The following TTLL8 variants were observed in gnomAD, a reference collection of about 807,000 sequenced individuals.
The protein encoded by TTLL8 is protein monoglycylase TTLL8.
TTLL8 carries 65 observed loss-of-function variants against 77.8 expected under a neutral mutation model. The observed-to-expected ratio is 0.84, with a 90% CI of 0.68 to 1.03. The LOEUF (loss-of-function observed/expected upper bound fraction) is 1.03. TTLL8 is among the 50% of genes least tolerant of loss of function. The pLI, the probability that TTLL8 is intolerant of heterozygous loss-of-function variation, is 0.00. For synonymous variants in TTLL8, 402 were observed against 422.8 expected, an observed-to-expected ratio of 0.95 and a Z score of 0.60; for missense variants, 910 against 1,004.5, an observed-to-expected ratio of 0.91 and a Z score of 1.27.
At chr22:50,056,853 A>G, upstream of TTLL8, 1 of 1,289,694 alleles carries the variant, frequency 7.8e-7, no homozygotes, top group Non-Finnish European at 1.0e-6. The surrounding 1 kb of genome is among the most constrained non-coding windows in gnomAD (Gnocchi z 4.1). Flanking sequence ...GCACACAGGC[A>G]ATACACGATA....
At chr22:50,039,956 A>C (rs1216370885) in intron 8 of TTLL8, among the ~76,000 whole-genome samples, 1 of 150,998 alleles carries the variant, frequency 6.6e-6, no homozygotes, top group Non-Finnish European at 1.5e-5. Context: ...GCCAGCTTGG[A>C]TGGACCTCAC....
intron 12 of TTLL8, among the ~76,000 whole-genome samples, chr22:50,025,067 G>T (rs762658510): frequency 2.0e-5 from 3 of 152,048 alleles, no homozygotes; most frequent in Admixed American, 2.0e-4. Context: ...CACTCAAGAC[G>T]CATCATTGAC....
intron 11 of TTLL8, 198 bp downstream of exon 12, chr22:50,031,488 G>T: frequency 1.1e-6 from 1 of 943,630 alleles, no homozygotes; most frequent in Non-Finnish European, 1.3e-6. Flanking sequence ...CGGTGCCGAC[G>T]AGGCACTGAG....
intron 3 of TTLL8, among the ~76,000 whole-genome samples, chr22:50,048,653 T>C (rs1035614358): frequency 2.0e-5 from 3 of 152,230 alleles, no homozygotes; most frequent in Admixed American, 6.5e-5. Context: ...ACTGGCCATG[T>C]GGGAGGCGCC....
At chr22:50,033,132 G>A (rs1037305057) in intron 10 of TTLL8, 70 bp downstream of exon 11, 100 of 1,270,416 alleles carry the variant, frequency 7.9e-5, no homozygotes, top group South Asian at 5.0e-4. Flanking sequence ...TTCTCACTGC[G>A]GCTGCTCCAG....
chr22:50,022,171 C>A, intron 12 of TTLL8, among the ~76,000 whole-genome samples: 1 of 151,176 alleles, frequency 6.6e-6, no homozygotes, highest in South Asian at 2.1e-4. Flanking sequence ...GTGCACTCCT[C>A]CATCTGATGA....
At chr22:50,052,029 C>T (rs559641378) in intron 1 of TTLL8, among the ~76,000 whole-genome samples, 5 of 152,216 alleles carry the variant, frequency 3.3e-5, no homozygotes, top group East Asian at 1.9e-4. Flanking sequence ...AGCACCCATA[C>T]GAGACATCCG....
exon 12 of TTLL8, chr22:50,030,787 C>T: frequency 7.4e-7 from 1 of 1,348,642 alleles, no homozygotes; most frequent in Non-Finnish European, 9.9e-7. Flanking sequence ...GGGCCCCGTG[C>T]CTTCAGCGGC....
At chr22:50,031,993 T>C (rs2061298650) in exon 11 of TTLL8, 9 of 1,366,666 alleles carry the variant, frequency 6.6e-6, no homozygotes, top group Middle Eastern at 2.1e-4. Flanking sequence ...GCCCTGGCGC[T>C]GCAGGTACTC....
upstream of TTLL8, among the ~76,000 whole-genome samples, chr22:50,057,793 T>G (rs1298221830): frequency 3.0e-5 from 4 of 133,700 alleles, no homozygotes; most frequent in Admixed American, 7.6e-5. Flanking sequence ...GGGTTGGGGG[T>G]GCAGGTCTAG....
intron 1 of TTLL8, among the ~76,000 whole-genome samples, chr22:50,052,987 C>T (rs187673598): frequency 1.2e-3 from 188 of 152,186 alleles, no homozygotes; most frequent in African/African-American, 4.1e-3. Context: ...TGTGGGAGGC[C>T]GAGGTGGGTG....
Position 50,041,724 on chromosome 22 carries a change from C to T in TTLL8, c.727G>A (p.Gly243Arg). 5 of 1,366,434 alleles carry T rather than the reference C, an allele frequency of 3.7e-6. No individual in the cohort carries two copies. Among genetic ancestry groups the T allele is most frequent in the Non-Finnish European group, 4.9e-6 (5 of 1,021,418 alleles). 84.6% of individuals were successfully genotyped at this position (1,366,434 alleles called of 1,614,324 possible). A position where few individuals can be genotyped will look rare whatever the true frequency, so the allele number is the denominator to read the frequency against. The change falls in exon 7 of 14, where the codon GGG becomes AGG. Residue 243 changes from glycine (G) to arginine (R), a missense_variant. Coordinates refer to ENST00000266182, the Ensembl canonical transcript of TTLL8. This position sits in a 1 kb window ranked among gnomAD's most constrained non-coding sequence, Gnocchi z 4.3. Reference sequence around the variant, plus strand: ...TCGATGTCCTCATGCTCCAGCTGCCCCAGGTAGGCCTGGCACACCTTGCAC... The same window carrying T: ...TCGATGTCCTCATGCTCCAGCTGCCTCAGGTAGGCCTGGCACACCTTGCAC...
At chr22:50,029,956 G>C (rs545144938) in intron 12 of TTLL8, among the ~76,000 whole-genome samples, 1 of 151,298 alleles carries the variant, frequency 6.6e-6, no homozygotes, top group East Asian at 2.0e-4. Context: ...CCGAGGCTCG[G>C]AAGAGCCCGA....
chr22:50,049,872 G>C (rs925275045), intron 2 of TTLL8, among the ~76,000 whole-genome samples: 1 of 152,166 alleles, frequency 6.6e-6, no homozygotes, highest in African/African-American at 2.4e-5. Context: ...GAGGAGGCCT[G>C]GGTGGAGGCC....
chr22:50,050,222 C>T (rs747950544), exon 2 of TTLL8: 5 of 1,345,398 alleles, frequency 3.7e-6, no homozygotes, highest in Non-Finnish European at 4.0e-6. Flanking sequence ...CGGGTAGTGT[C>T]CGTAGATAGA....
At chr22:50,022,891 C>T (rs961280132) in intron 12 of TTLL8, among the ~76,000 whole-genome samples, 5 of 152,196 alleles carry the variant, frequency 3.3e-5, no homozygotes, top group Non-Finnish European at 7.3e-5. Context: ...AGTTGGGACA[C>T]AGTGTCCATG....
At chr22:50,049,257 C>T (rs761036936) in exon 3 of TTLL8, 2 of 1,367,694 alleles carry the variant, frequency 1.5e-6, no homozygotes, top group Non-Finnish European at 2.0e-6. Flanking sequence ...ACCATCACGT[C>T]GTGGATGTTG....
Position 50,048,048 on chromosome 22 carries a change from G to C in TTLL8, c.265-752C>G, listed in dbSNP as rs542422785. On this transcript the variant is annotated intron_variant, in intron 3 of 13. Transcript: ENST00000266182. ...GGAGGCAGAGGTTGCAGTGAGCCGA[G>C]ATTGCACCATTGTACCCCAGCCTGG... Among the ~76,000 whole-genome samples the C allele has an allele frequency of 2.0e-5, 3 of 152,210 alleles. No individual in the cohort carries two copies. The East Asian group carries it at 5.8e-4, about 29-fold the overall frequency.
chr22:50,052,390 A>G (rs1421538324), intron 1 of TTLL8, among the ~76,000 whole-genome samples: 1 of 152,230 alleles, frequency 6.6e-6, no homozygotes, highest in Non-Finnish European at 1.5e-5. Context: ...ACAGCGTAAG[A>G]TTTCCAACAG....
Sources: allele counts gnomAD v4.1 joint callset (sites outside exome capture counted in the v4.1 genomes callset), GRCh38; gene constraint gnomAD v4.1.1; non-coding constraint Gnocchi (gnomAD v3.1); transcripts MANE v1.5; gene names NCBI Gene and HGNC (gene_info 2026-07-23, HGNC 2026-07-21).